Variants in RPH3AL observed in about 807,000 individuals in gnomAD.
RPH3AL encodes the protein rabphilin 3A like (without C2 domains).
RPH3AL carries 38 observed loss-of-function variants against 43.1 expected under a neutral mutation model. That is an observed-to-expected ratio of 0.88 (90% CI 0.68 to 1.15). The LOEUF (loss-of-function observed/expected upper bound fraction) is 1.15, where lower values mean the gene tolerates loss of function less well. Among genes scored for constraint, RPH3AL ranks in the 50% most tolerant of loss-of-function variants. The pLI is 0.00. For synonymous variants in RPH3AL, 189 were observed against 176.3 expected (o/e 1.07, Z -0.57); for missense variants, 462 against 423.2 (o/e 1.09, Z -0.81).
chr17:292,374 T>G (rs1268105822), intron 5 of RPH3AL, among the ~76,000 whole-genome samples: 1 of 152,250 alleles, frequency 6.6e-6, no homozygotes, highest in Non-Finnish European at 1.5e-5. Context: ...GTTCAGATAT[T>G]GATGTATATA....
At chr17:314,753 T>C (rs1256704122) in intron 5 of RPH3AL, among the ~76,000 whole-genome samples, 6 of 146,886 alleles carry the variant, frequency 4.1e-5, no homozygotes, top group African/African-American at 1.1e-4. Flanking sequence ...TCCACCTCCA[T>C]TGACCTGTAG....
intron 6 of RPH3AL, among the ~76,000 whole-genome samples, chr17:269,471 G>A (rs553325325): frequency 5.8e-4 from 88 of 152,236 alleles, no homozygotes; most frequent in African/African-American, 2.0e-3. Flanking sequence ...AACAGTGCCC[G>A]GCACATAGCA....
intron 8 of RPH3AL, among the ~76,000 whole-genome samples, chr17:218,268 C>T (rs2040860406): frequency 2.2e-5 from 3 of 137,588 alleles, no homozygotes; most frequent in Non-Finnish European, 4.6e-5. Context: ...TTATGGAGCC[C>T]TTTCTTCTTC....
At chr17:294,430 G>A (rs2043120985) in intron 5 of RPH3AL, among the ~76,000 whole-genome samples, 1 of 152,230 alleles carries the variant, frequency 6.6e-6, no homozygotes, top group African/African-American at 2.4e-5. Flanking sequence ...CTGCAGCCTG[G>A]GTGACAGAGT....
intron 6 of RPH3AL, among the ~76,000 whole-genome samples, chr17:252,369 C>G (rs2151554806): frequency 6.6e-6 from 1 of 152,290 alleles, no homozygotes; most frequent in African/African-American, 2.4e-5. Flanking sequence ...TATAACATCA[C>G]TGCACAGAGA....
Position 317,602 on chromosome 17 carries a change from C to G in RPH3AL, c.351+1818G>C, listed in dbSNP as rs146549032. On this transcript the variant is annotated intron_variant, in intron 5 of 9. Transcript: ENST00000331302. Reference sequence around the variant, plus strand: ...GGCAAGGCTGAAGGAGGAGCCCGCACAGTCTTACACCCAGGCCCCCATCTC... The same window carrying G: ...GGCAAGGCTGAAGGAGGAGCCCGCAGAGTCTTACACCCAGGCCCCCATCTC... Among the ~76,000 whole-genome samples, 546 of 152,218 alleles carry G rather than the reference C, an allele frequency of 3.6e-3. 2 individuals are homozygous for G. Among genetic ancestry groups the G allele is most frequent in the African/African-American group, 0.012 (480 of 41,520 alleles).
At chr17:262,441 G>T (rs182579105) in intron 6 of RPH3AL, among the ~76,000 whole-genome samples, 1 of 152,098 alleles carries the variant, frequency 6.6e-6, no homozygotes, top group African/African-American at 2.4e-5. Flanking sequence ...GTCTTGAACT[G>T]CTGACCTCGT....
At chr17:278,285 T>TCGCCTTC (rs1388972557) in intron 6 of RPH3AL, among the ~76,000 whole-genome samples, 4 of 152,204 alleles carry the variant, frequency 2.6e-5, no homozygotes, top group Non-Finnish European at 5.9e-5. Flanking sequence ...GACGTGCCTT[T>TCGCCTTC]CGCCTTCCGC....
intron 7 of RPH3AL, among the ~76,000 whole-genome samples, chr17:240,480 C>T (rs902041242): frequency 1.3e-5 from 2 of 152,154 alleles, no homozygotes; most frequent in Admixed American, 6.5e-5. Flanking sequence ...CCCTGGCAAC[C>T]GCCCATCTAC....
chr17:311,062 T>C (rs534756019), intron 5 of RPH3AL, among the ~76,000 whole-genome samples: 3 of 151,882 alleles, frequency 2.0e-5, no homozygotes, highest in Non-Finnish European at 2.9e-5. Context: ...GCTCGTCCCC[T>C]GAAAGACTCC....
rs373379309 is a variant in RPH3AL, at chr17:309,578, GCCCCA to G, written c.351+9837_351+9841del. 9.3e-3 allele frequency among the ~76,000 whole-genome samples: 584 copies of G among 62,700 alleles called. 50 individuals are homozygous for G. The highest frequency in any genetic ancestry group is 0.016 in the Admixed American group (85 of 5,478). 41.1% of individuals were successfully genotyped at this position (62,700 alleles called of 152,430 possible). A position where few individuals can be genotyped will look rare whatever the true frequency, so the allele number is the denominator to read the frequency against. On this transcript the variant is annotated intron_variant, in intron 5 of 9. Transcript: ENST00000331302. ...CGGGATATGGCACGTCCCCTGCCCT[GCCCCA>G]GGCTCCTGCCAGCCTCCTGCTGGGG...
At chr17:221,621 C>A (rs1555530990) in intron 7 of RPH3AL, among the ~76,000 whole-genome samples, 2 of 139,082 alleles carry the variant, frequency 1.4e-5, no homozygotes, top group African/African-American at 3.0e-5. Context: ...TAGACCCAAG[C>A]ACAACAGCTC....
intron 6 of RPH3AL, among the ~76,000 whole-genome samples, chr17:251,743 G>A (rs925112952): frequency 2.0e-5 from 3 of 152,226 alleles, no homozygotes; most frequent in African/African-American, 7.2e-5. Flanking sequence ...GGCCACGGGG[G>A]CCATGGGGTG....
intron 3 of RPH3AL, among the ~76,000 whole-genome samples, chr17:324,887 G>A (rs911660438): frequency 2.0e-5 from 3 of 152,076 alleles, no homozygotes; most frequent in South Asian, 2.1e-4. Context: ...CACTACACCC[G>A]GCTAATTTTT....
intron 5 of RPH3AL, among the ~76,000 whole-genome samples, chr17:296,027 C>T (rs1317019219): frequency 7.2e-6 from 1 of 138,328 alleles, no homozygotes; most frequent in African/African-American, 2.8e-5. Context: ...AGGGAATGCA[C>T]TTCAGTGTGG....
intron 5 of RPH3AL, among the ~76,000 whole-genome samples, chr17:298,697 G>T (rs894448431): frequency 5.7e-5 from 4 of 70,650 alleles, no homozygotes; most frequent in Non-Finnish European, 8.1e-5. Flanking sequence ...AAAGGGAGAT[G>T]TTATCTCAAA....
chr17:336,208 T>C (rs2044949333), intron 1 of RPH3AL, among the ~76,000 whole-genome samples: 1 of 152,148 alleles, frequency 6.6e-6, no homozygotes, highest in African/African-American at 2.4e-5. Flanking sequence ...GCTCTGTTAC[T>C]ATGACACGGG....
Position 289,354 on chromosome 17 carries a change from C to A in RPH3AL, c.352-7500G>T, listed in dbSNP as rs897912768. ...CCCAGCACTCATCCTGGGCCCCCAT[C>A]GTCCCTCCTTCCTGCCCAGATAATC... On this transcript the variant is annotated intron_variant, in intron 5 of 9. Coordinates refer to ENST00000331302, the MANE Select transcript of RPH3AL (RefSeq NM_006987.4). The surrounding 1 kb of genome is among the most constrained non-coding windows in gnomAD (Gnocchi z 5.2). Among the ~76,000 whole-genome samples, 1 of 152,138 alleles carries A rather than the reference C, an allele frequency of 6.6e-6. No individual in the cohort carries two copies. The highest frequency in any genetic ancestry group is 2.1e-4 in the South Asian group (1 of 4,820).
chr17:239,204 G>A (rs1164359731), intron 7 of RPH3AL, among the ~76,000 whole-genome samples: 1 of 152,198 alleles, frequency 6.6e-6, no homozygotes, highest in African/African-American at 2.4e-5. Context: ...CAGCGCACCT[G>A]TCCTGCAGGT....
Sources: gnomAD v4.1 joint callset for allele counts (sites outside exome capture counted in the v4.1 genomes callset) on GRCh38, gnomAD v4.1.1 for gene constraint, Gnocchi (gnomAD v3.1) non-coding constraint, MANE v1.5 for transcripts, NCBI Gene and HGNC (gene_info 2026-07-23, HGNC 2026-07-21) for gene names.